KCTD8: variants seen among roughly 807,000 people sequenced by gnomAD.
KCTD8 encodes the protein BTB/POZ domain-containing protein KCTD8.
In KCTD8, 27 loss-of-function variants were observed where a neutral mutation model predicts 31.5. That is an observed-to-expected ratio of 0.86 (90% CI 0.63 to 1.18). The LOEUF (loss-of-function observed/expected upper bound fraction) is 1.18, where lower values mean the gene tolerates loss of function less well. Among genes scored for constraint, KCTD8 ranks in the 50% most tolerant of loss-of-function variants. The pLI is 0.00. For synonymous variants in KCTD8, 290 were observed against 280.0 expected, an observed-to-expected ratio of 1.04 and a Z score of -0.36; for missense variants, 658 against 647.7, an observed-to-expected ratio of 1.02 and a Z score of -0.17.
intron 1 of KCTD8, among the ~76,000 whole-genome samples, chr4:44,181,559 C>T (rs1022831291): frequency 2.6e-5 from 4 of 152,192 alleles, no homozygotes; most frequent in African/African-American, 9.6e-5. Flanking sequence ...TCAATGTTGC[C>T]CAGGCTGGAG....
intron 1 of KCTD8, among the ~76,000 whole-genome samples, chr4:44,232,368 C>G (rs1454919858): frequency 2.6e-5 from 4 of 152,084 alleles, no homozygotes; most frequent in Non-Finnish European, 5.9e-5. Flanking sequence ...CAAAAAAACT[C>G]AGCAACAGGG....
intron 1 of KCTD8, among the ~76,000 whole-genome samples, chr4:44,419,414 T>C (rs891231663): frequency 1.3e-5 from 2 of 152,140 alleles, no homozygotes; most frequent in Non-Finnish European, 2.9e-5. Context: ...CATTAGGGTA[T>C]GAGTGCAAGT....
At chr4:44,430,759 C>T (rs978522569) in intron 1 of KCTD8, among the ~76,000 whole-genome samples, 3 of 151,572 alleles carry the variant, frequency 2.0e-5, no homozygotes, top group Non-Finnish European at 4.4e-5. Context: ...TATTTCCCTC[C>T]TGCTCCTAAA....
At chr4:44,319,374 T>G (rs1219558331) in intron 1 of KCTD8, among the ~76,000 whole-genome samples, 1 of 151,542 alleles carries the variant, frequency 6.6e-6, no homozygotes, top group Non-Finnish European at 1.5e-5. Context: ...TTGGCCATGA[T>G]GTCTAAAATG....
chr4:44,354,950 T>C (rs1437980200), intron 1 of KCTD8, among the ~76,000 whole-genome samples: 36 of 152,164 alleles, frequency 2.4e-4, no homozygotes, highest in Admixed American at 2.3e-3. Context: ...AAAGTTGATA[T>C]TATTGTGAGA....
intron 1 of KCTD8, among the ~76,000 whole-genome samples, chr4:44,407,917 G>A (rs540202959): frequency 3.2e-4 from 49 of 151,942 alleles, no homozygotes; most frequent in Admixed American, 7.2e-4. Flanking sequence ...TTTTTATTCC[G>A]CACCCCATAC....
intron 1 of KCTD8, among the ~76,000 whole-genome samples, chr4:44,420,548 A>G (rs1484902245): frequency 6.6e-6 from 1 of 152,198 alleles, no homozygotes; most frequent in Non-Finnish European, 1.5e-5. Flanking sequence ...GTTTATTTGC[A>G]ATAATCACAG....
chr4:44,187,331 GAGC>G (rs1713618219), intron 1 of KCTD8, among the ~76,000 whole-genome samples: 1 of 152,184 alleles, frequency 6.6e-6, no homozygotes, highest in Non-Finnish European at 1.5e-5. Flanking sequence ...CACCTTGCAA[GAGC>G]TCTTCATTTA....
chr4:44,320,831 A>C (rs570407991), intron 1 of KCTD8, among the ~76,000 whole-genome samples: 1 of 151,980 alleles, frequency 6.6e-6, no homozygotes, highest in African/African-American at 2.4e-5. Context: ...TAAAAAAAAA[A>C]AAAAAAAGCC....
At chr4:44,369,153 G>A (rs1277019787) in intron 1 of KCTD8, among the ~76,000 whole-genome samples, 1 of 152,224 alleles carries the variant, frequency 6.6e-6, no homozygotes, top group Non-Finnish European at 1.5e-5. Context: ...ACACTGGAAT[G>A]AGAATGGATT....
rs145916251 is a variant in KCTD8 at position 44,189,242 on chromosome 4, T to C, written c.962-13992A>G. Among the ~76,000 whole-genome samples the C allele has an allele frequency of 4.6e-3, 698 of 152,292 alleles. 23 individuals carry two copies. Among genetic ancestry groups the C allele is most frequent in the Admixed American group, 0.039 (602 of 15,296 alleles). The stretch of plus-strand genomic sequence containing the variant: ...TGTGGGTATCCCTAATGTTAAAAAA[T>C]TCCTATACTCAGCCATAATTTGTCT... On this transcript the variant is annotated intron_variant, in intron 1 of 1. Transcript: ENST00000360029.
intron 1 of KCTD8, among the ~76,000 whole-genome samples, chr4:44,336,145 G>A (rs1302906478): frequency 5.9e-5 from 4 of 67,284 alleles, no homozygotes; most frequent in African/African-American, 7.2e-5. Context: ...GCGAGACTCC[G>A]TCTCAAAAAA....
intron 1 of KCTD8, among the ~76,000 whole-genome samples, chr4:44,444,800 TG>T (rs200261708): frequency 8.4e-5 from 12 of 143,352 alleles, no homozygotes; most frequent in Admixed American, 2.1e-4. Context: ...TGACGGGGGT[TG>T]GGGGGGAATA....
chr4:44,322,871 C>T (rs1045157575), intron 1 of KCTD8, among the ~76,000 whole-genome samples: 1 of 151,892 alleles, frequency 6.6e-6, no homozygotes, highest in African/African-American at 2.4e-5. Context: ...GTTATTGGTG[C>T]CTTTGGTAAA....
At chr4:44,439,114 A>T (rs73179352) in intron 1 of KCTD8, among the ~76,000 whole-genome samples, 17,441 of 152,140 alleles carry the variant, frequency 0.11, 2,164 homozygotes, top group African/African-American at 0.29. Flanking sequence ...TAAACACAGT[A>T]CTACTCTCCC....
chr4:44,383,874 G>A (rs539166999), intron 1 of KCTD8, among the ~76,000 whole-genome samples: 1 of 152,088 alleles, frequency 6.6e-6, no homozygotes, highest in African/African-American at 2.4e-5. Context: ...AACCAACAGA[G>A]TGAAGATATT....
rs535989231 is a variant in KCTD8, at chr4:44,392,758, A to AAT, written c.961+54804_961+54805insAT. 2.0e-5 allele frequency among the ~76,000 whole-genome samples: 3 copies of AAT among 152,152 alleles called. No individual in the cohort carries two copies. In the South Asian group the frequency reaches 6.2e-4, roughly 32 times the overall value. Reference sequence around the variant, plus strand: ...CTCTAGGTTGAATAAGGAGAAGAGTAAAAATGATGAAATTGGCTTACACGC... The same window carrying AAT: ...CTCTAGGTTGAATAAGGAGAAGAGTAATAAAATGATGAAATTGGCTTACACGC... On this transcript the variant is annotated intron_variant, in intron 1 of 1. Transcript: ENST00000360029.
chr4:44,250,726 T>C (rs1715801760), intron 1 of KCTD8, among the ~76,000 whole-genome samples: 1 of 151,848 alleles, frequency 6.6e-6, no homozygotes, highest in Admixed American at 6.6e-5. Context: ...CCTTGGCTCA[T>C]AAAGTCATTG....
At chr4:44,273,985 A>G (rs1392834408) in intron 1 of KCTD8, among the ~76,000 whole-genome samples, 1 of 151,930 alleles carries the variant, frequency 6.6e-6, no homozygotes, top group Non-Finnish European at 1.5e-5. Flanking sequence ...GAAATCATGT[A>G]AATATTCAAT....
Sources: allele counts gnomAD v4.1 joint callset (sites outside exome capture counted in the v4.1 genomes callset), GRCh38; gene constraint gnomAD v4.1.1; transcripts MANE v1.5; gene names NCBI Gene and HGNC (gene_info 2026-07-23, HGNC 2026-07-21).